Variants in KANK1 observed in about 807,000 individuals in gnomAD.
The protein encoded by KANK1 is KN motif and ankyrin repeat domains 1, also known as KN motif and ankyrin repeat domain-containing protein 1.
KANK1 carries 109 observed loss-of-function variants against 106.2 expected under a neutral mutation model. The ratio of observed to expected loss-of-function variants is 1.03; its 90% CI spans 0.88 to 1.20. The LOEUF is 1.20. Among genes scored for constraint, KANK1 ranks in the 50% most tolerant of loss-of-function variants. The pLI, the probability that KANK1 is intolerant of heterozygous loss-of-function variation, is 0.00. For synonymous variants in KANK1, 873 were observed against 652.2 expected (o/e 1.34, Z -5.16); for missense variants, 2,399 against 1,710.7 (o/e 1.40, Z -7.10).
rs1181097584 is a variant in KANK1 at position 712,259 on chromosome 9, G to A, written c.1493G>A (p.Arg498Lys). The A allele has an allele frequency of 6.2e-7, 1 of 1,614,168 alleles. No individual in the cohort carries two copies. The change falls in exon 3 of 12, where the codon AGG becomes AAG. Residue 498 changes from arginine (R) to lysine (K), a missense_variant. Arg to Lys is a conservative substitution (Grantham distance 26, BLOSUM62 2). Coordinates refer to ENST00000382297, the MANE Select transcript of KANK1 (RefSeq NM_015158.5). ...CAAGAGCTGCAGGCTGCTGGATCGA[G>A]GAAAAAGGTTGACAAAGCCACGATG... ...LKQELQAAGS[R>K]KKVDKATMAQ...
chr9:596,740 A>C lies in KANK1; in HGVS notation c.-83-80150A>C, dbSNP rs796823551. Among the ~76,000 whole-genome samples, 7 of 151,904 alleles carry C rather than the reference A, an allele frequency of 4.6e-5. 1 individual carries two copies. The highest frequency in any genetic ancestry group is 1.7e-4 in the African/African-American group (7 of 41,198). ...TTTTAACTTTTATTTATTTTTAATG[A>C]GATGAAATTCACATAATATAACAAT... On this transcript the variant is annotated intron_variant, in intron 1 of 11. Coordinates refer to ENST00000382297, the MANE Select transcript of KANK1 (RefSeq NM_015158.5).
intron 1 of KANK1, among the ~76,000 whole-genome samples, chr9:547,630 C>T (rs1034727345): frequency 2.0e-5 from 3 of 151,484 alleles, no homozygotes; most frequent in African/African-American, 7.2e-5. Context: ...TATTTTAGGC[C>T]TCTTTCTATT....
Position 653,075 on chromosome 9 carries a change from A to G in KANK1, c.-83-23815A>G, listed in dbSNP as rs10975591. Reference sequence around the variant, plus strand: ...TGCTGACTCATACACAGCATCCCATATGGCCTTAACTTTATTTAGCAACGT... The same window carrying G: ...TGCTGACTCATACACAGCATCCCATGTGGCCTTAACTTTATTTAGCAACGT... On this transcript the variant is annotated intron_variant, in intron 1 of 11. Coordinates refer to ENST00000382297, the MANE Select transcript of KANK1 (RefSeq NM_015158.5). 4.3e-3 allele frequency among the ~76,000 whole-genome samples: 650 copies of G among 152,280 alleles called. 3 individuals carry two copies. The highest frequency in any genetic ancestry group is 6.7e-3 in the Non-Finnish European group (458 of 68,018).
chr9:527,293 T>TTTTGTTTG (rs35256853), intron 1 of KANK1, among the ~76,000 whole-genome samples: 13 of 151,148 alleles, frequency 8.6e-5, no homozygotes, highest in Admixed American at 2.0e-4. Context: ...TTTGTGTGTT[T>TTTTGTTTG]TTTGTTTGTT....
At chr9:672,830 G>C (rs1216289135) in intron 1 of KANK1, among the ~76,000 whole-genome samples, 2 of 152,148 alleles carry the variant, frequency 1.3e-5, no homozygotes, top group Non-Finnish European at 2.9e-5. Flanking sequence ...GAAATAAATA[G>C]ACACAAAGAC....
At chr9:608,101 A>G (rs532685458) in intron 1 of KANK1, among the ~76,000 whole-genome samples, 1 of 139,678 alleles carries the variant, frequency 7.2e-6, no homozygotes, top group East Asian at 2.1e-4. Context: ...GCAGTGGCGC[A>G]ATCTCGGCTC....
intron 1 of KANK1, among the ~76,000 whole-genome samples, chr9:632,060 T>G (rs189611992): frequency 6.6e-6 from 1 of 152,232 alleles, no homozygotes; most frequent in Non-Finnish European, 1.5e-5. Context: ...CGTAGCATTG[T>G]GTCTAGCCTT....
At chr9:546,610 A>G (rs1053122474) in intron 1 of KANK1, among the ~76,000 whole-genome samples, 3 of 151,930 alleles carry the variant, frequency 2.0e-5, no homozygotes, top group African/African-American at 4.8e-5. Context: ...TCATCATGTT[A>G]TAGGTTTTCA....
intron 1 of KANK1, among the ~76,000 whole-genome samples, chr9:531,775 C>T (rs565996792): frequency 6.6e-6 from 1 of 152,180 alleles, no homozygotes; most frequent in African/African-American, 2.4e-5. Flanking sequence ...CAGAATAAAA[C>T]GCCTTCTGGC....
At chr9:634,071 G>T (rs1428403950) in intron 1 of KANK1, among the ~76,000 whole-genome samples, 6 of 152,186 alleles carry the variant, frequency 3.9e-5, no homozygotes, top group African/African-American at 1.4e-4. Flanking sequence ...ATTTGTAATT[G>T]CCCAATTGCA....
At chr9:691,612 T>TTTTTTCC (rs1554684760) in intron 2 of KANK1, among the ~76,000 whole-genome samples, 1 of 105,982 alleles carries the variant, frequency 9.4e-6, no homozygotes, top group African/African-American at 4.1e-5. Flanking sequence ...AATACCAGAA[T>TTTTTTCC]TTTTTTTTTT....
In KANK1 at chr9:514,252, C is replaced by G. The variant is rs1344860731; in HGVS notation, c.-84+9498C>G. Among the ~76,000 whole-genome samples, 3 of 91,428 alleles carry G rather than the reference C, an allele frequency of 3.3e-5. 1 individual carries two copies. The allele number at this position is 91,428 out of a possible 152,430, so 60.0% of individuals were successfully genotyped here. On this transcript the variant is annotated intron_variant, in intron 1 of 11. Coordinates refer to ENST00000382297, the MANE Select transcript of KANK1 (RefSeq NM_015158.5). ...CCTCCCTCCCTCCCTTCCTTCCTTC[C>G]TCCCTCCGTCCCTCCCTTCCTTCCT...
At chr9:611,186 AGTTCCATTT>A (rs995114199) in intron 1 of KANK1, among the ~76,000 whole-genome samples, 1 of 152,158 alleles carries the variant, frequency 6.6e-6, no homozygotes, top group African/African-American at 2.4e-5. Flanking sequence ...CAGCCCCCTG[AGTTCCATTT>A]GTTAGTATTG....
chr9:685,018 TCAAAAAC>T (rs1818280855), intron 2 of KANK1, among the ~76,000 whole-genome samples: 1 of 152,186 alleles, frequency 6.6e-6, no homozygotes, highest in African/African-American at 2.4e-5. Flanking sequence ...AATTCTAAGT[TCAAAAAC>T]CAAAAGCAGA....
chr9:626,027 G>A (rs1834264774), intron 1 of KANK1, among the ~76,000 whole-genome samples: 1 of 151,988 alleles, frequency 6.6e-6, no homozygotes, highest in African/African-American at 2.4e-5. Flanking sequence ...TCTACAGCTC[G>A]GTGCACTTGT....
intron 1 of KANK1, among the ~76,000 whole-genome samples, chr9:521,610 A>G (rs755138474): frequency 7.5e-6 from 1 of 133,000 alleles, no homozygotes; most frequent in Non-Finnish European, 1.5e-5. Context: ...CTCGTCACCC[A>G]GGCTGGAGTG....
intron 10 of KANK1, 23 bp from the exon 11 acceptor site, chr9:744,468 T>G (rs772279849): frequency 6.2e-7 from 1 of 1,606,732 alleles, no homozygotes; most frequent in African/African-American, 1.3e-5. Flanking sequence ...CAACATGGCT[T>G]GTTCTTTCCA....
At chr9:587,663 A>T (rs1494001) in intron 1 of KANK1, among the ~76,000 whole-genome samples, 1 of 152,122 alleles carries the variant, frequency 6.6e-6, no homozygotes, top group African/African-American at 2.4e-5. Flanking sequence ...AACATTTATT[A>T]CATGCTTGTG....
chr9:712,792 G>A lies in KANK1; in HGVS notation c.2026G>A (p.Asp676Asn). Residue 676 changes from aspartate to asparagine, a missense_variant, in exon 3 of 12, where the codon GAT (aspartate) becomes AAT (asparagine). By Grantham distance (23) the Asp-to-Asn change is conservative. Transcript: ENST00000382297. Reference protein sequence around the residue: ...PRTADQDTSTDLEQVHQFTNT... With the variant: ...PRTADQDTSTNLEQVHQFTNT... ...TACTGCAGACCAGGACACTAGCACA[G>A]ATTTGGAACAGGTGCACCAGTTCAC... 1 of 1,613,904 alleles carries A rather than the reference G, an allele frequency of 6.2e-7. No homozygotes were observed. The highest frequency in any genetic ancestry group is 8.5e-7 in the Non-Finnish European group (1 of 1,179,904).
Sources: gnomAD v4.1 joint callset for allele counts (sites outside exome capture counted in the v4.1 genomes callset) on GRCh38, gnomAD v4.1.1 for gene constraint, MANE v1.5 for transcripts, NCBI Gene and HGNC (gene_info 2026-07-23, HGNC 2026-07-21) for gene names.